BBX: variants seen among roughly 807,000 people sequenced by gnomAD.
The protein encoded by BBX is BBX high mobility group box domain containing, also known as HMG box transcription factor BBX.
BBX carries 30 observed loss-of-function variants against 100.2 expected under a neutral mutation model. The ratio of observed to expected loss-of-function variants is 0.30; its 90% CI spans 0.22 to 0.41. BBX has a LOEUF of 0.41. BBX is among the 10% of genes least tolerant of loss of function. The pLI, the probability that BBX is intolerant of heterozygous loss-of-function variation, is 1.00. For missense variants in BBX, 1,023 were observed against 1,129.8 expected (o/e 0.91, Z 1.35); for synonymous variants, 376 against 388.1 (o/e 0.97, Z 0.37).
At chr3:107,704,159 G>T (rs1024340930) in intron 3 of BBX, among the ~76,000 whole-genome samples, 6 of 152,110 alleles carry the variant, frequency 3.9e-5, no homozygotes, top group African/African-American at 1.4e-4. Flanking sequence ...GAGTGTTTTT[G>T]TGAGGATTAA....
chr3:107,582,566 G>C (rs560761764), intron 2 of BBX, among the ~76,000 whole-genome samples: 2 of 151,878 alleles, frequency 1.3e-5, no homozygotes, highest in African/African-American at 4.8e-5. Context: ...TTTATAGTTT[G>C]CTTGTTCGTT....
rs543143921 is a variant in BBX, at chr3:107,807,743, T to G, written c.*2286T>G. The G allele has an allele frequency of 6.6e-6, 1 of 152,224 alleles. No individual in the cohort carries two copies. Among genetic ancestry groups the G allele is most frequent in the African/African-American group, 2.4e-5 (1 of 41,540 alleles). The allele number at this position is 152,224 out of a possible 1,614,324, so 9.4% of individuals were successfully genotyped here. On this transcript the variant is annotated 3_prime_UTR_variant, in exon 18 of 18. Coordinates refer to ENST00000325805, the MANE Select transcript of BBX (RefSeq NM_001142568.3). ...AAAAAAGCAAAACAAAAGATTACTT[T>G]TTTTCTATGTGATTAATATCTTACT...
intron 2 of BBX, among the ~76,000 whole-genome samples, chr3:107,533,296 TTC>T (rs1407164055): frequency 1.3e-5 from 2 of 152,182 alleles, no homozygotes; most frequent in African/African-American, 4.8e-5. Context: ...TAGAGTGAAA[TTC>T]TCTGATATGC....
chr3:107,784,549 A>G lies in BBX; in HGVS notation c.2204-5238A>G, dbSNP rs189949913. Among the ~76,000 whole-genome samples, 28 of 152,136 alleles carry G rather than the reference A, an allele frequency of 1.8e-4. No individual in the cohort carries two copies. In the East Asian group the frequency reaches 3.9e-3, roughly 21 times the overall value. ...ATATAGAAATTAAATACACTTCTAC[A>G]TAACTGTCACATCAAAAAAGAAATC... On this transcript the variant is annotated intron_variant, in intron 13 of 17. Coordinates refer to ENST00000325805, the MANE Select transcript of BBX (RefSeq NM_001142568.3).
intron 10 of BBX, among the ~76,000 whole-genome samples, chr3:107,766,259 A>T (rs1321499788): frequency 6.6e-6 from 1 of 152,230 alleles, no homozygotes; most frequent in Non-Finnish European, 1.5e-5. Flanking sequence ...GTGATTATGC[A>T]TAAACTCTAA....
At chr3:107,689,541 G>C (rs1337888420) in intron 3 of BBX, among the ~76,000 whole-genome samples, 1 of 152,186 alleles carries the variant, frequency 6.6e-6, no homozygotes, top group Admixed American at 6.5e-5. Context: ...CGACTTCTGA[G>C]AGTACTTTAA....
At chr3:107,609,509 G>C (rs1451068637) in intron 2 of BBX, among the ~76,000 whole-genome samples, 1 of 151,986 alleles carries the variant, frequency 6.6e-6, no homozygotes, top group Non-Finnish European at 1.5e-5. Context: ...CAGGTCCCAG[G>C]CTTTTCTTTG....
At position 107,808,083 on chromosome 3, in the gene BBX, A is replaced by G. The variant is rs568396395; in HGVS notation, c.*2626A>G. The G allele has an allele frequency of 7.2e-5, 11 of 152,254 alleles. No individual in the cohort carries two copies. Among genetic ancestry groups the G allele is most frequent in the Non-Finnish European group, 1.3e-4 (9 of 68,006 alleles). The allele number at this position is 152,254 out of a possible 1,614,324, so 9.4% of individuals were successfully genotyped here. On this transcript the variant is annotated 3_prime_UTR_variant, in exon 18 of 18. Coordinates refer to ENST00000325805, the MANE Select transcript of BBX (RefSeq NM_001142568.3). ...GTTAGCACAAATATTTCAGACCAAT[A>G]TTAGTGCTCTCCACCCCACCTTTTG...
chr3:107,769,858 C>T (rs2066751560), intron 10 of BBX, among the ~76,000 whole-genome samples: 1 of 152,148 alleles, frequency 6.6e-6, no homozygotes. Flanking sequence ...TAGAAAACCT[C>T]TAGAGTGACG....
At chr3:107,739,419 GTCAC>G (rs1261100831) in intron 7 of BBX, among the ~76,000 whole-genome samples, 7 of 152,096 alleles carry the variant, frequency 4.6e-5, no homozygotes, top group Non-Finnish European at 1.0e-4. Flanking sequence ...CCCCCTTTAT[GTCAC>G]TCTTCACTGC....
intron 13 of BBX, among the ~76,000 whole-genome samples, chr3:107,781,208 T>C (rs1559713946): frequency 6.6e-6 from 1 of 152,020 alleles, no homozygotes; most frequent in Non-Finnish European, 1.5e-5. Flanking sequence ...GTCTCCATAT[T>C]CGTATCTGTA....
chr3:107,690,197 A>G (rs2060072569), intron 3 of BBX, among the ~76,000 whole-genome samples: 1 of 152,188 alleles, frequency 6.6e-6, no homozygotes, highest in South Asian at 2.1e-4. Flanking sequence ...CAATGACTTT[A>G]TTATTATATT....
rs1364554169 is a variant in BBX at position 107,808,836 on chromosome 3, T to C, written c.*3379T>C. On this transcript the variant is annotated 3_prime_UTR_variant, in exon 18 of 18. Coordinates refer to ENST00000325805, the MANE Select transcript of BBX (RefSeq NM_001142568.3). ...CTTTTTCCCACAAATATCAGAAATATATTTATTTAATTCTGTCAGATGAGC... is the reference window on the plus strand; with the variant it reads ...CTTTTTCCCACAAATATCAGAAATACATTTATTTAATTCTGTCAGATGAGC... 6.6e-6 allele frequency: 1 copy of C among 152,224 alleles called. No individual in the cohort carries two copies. Among genetic ancestry groups the C allele is most frequent in the East Asian group, 1.9e-4 (1 of 5,206 alleles). The allele number at this position is 152,224 out of a possible 1,614,324, so 9.4% of individuals were successfully genotyped here. A position where few individuals can be genotyped will look rare whatever the true frequency, so the allele number is the denominator to read the frequency against.
intron 2 of BBX, among the ~76,000 whole-genome samples, chr3:107,605,104 C>T (rs149398997): frequency 4.6e-5 from 7 of 152,278 alleles, no homozygotes; most frequent in African/African-American, 1.7e-4. Context: ...ATTCTCCTGA[C>T]CTATTGGCAT....
At chr3:107,667,027 A>G (rs1362654479) in intron 3 of BBX, among the ~76,000 whole-genome samples, 1 of 152,262 alleles carries the variant, frequency 6.6e-6, no homozygotes, top group African/African-American at 2.4e-5. Flanking sequence ...CTAACTGCTT[A>G]CTTGACAAAA....
chr3:107,748,814 T>A (rs1478251313), intron 9 of BBX, among the ~76,000 whole-genome samples: 1 of 152,144 alleles, frequency 6.6e-6, no homozygotes, highest in Non-Finnish European at 1.5e-5. Context: ...AACCAACAAT[T>A]TTTATAGGGT....
At chr3:107,587,780 T>C (rs1040327711) in intron 2 of BBX, among the ~76,000 whole-genome samples, 1 of 152,208 alleles carries the variant, frequency 6.6e-6, no homozygotes, top group African/African-American at 2.4e-5. Context: ...AACAGTCTGG[T>C]TGAGGGAGGT....
At position 107,797,542 on chromosome 3, in the gene BBX, G is replaced by C. The variant is rs75496853; in HGVS notation, c.2354-981G>C. Among the ~76,000 whole-genome samples the C allele has an allele frequency of 5.2e-3, 793 of 151,590 alleles. 6 individuals carry two copies. The highest frequency in any genetic ancestry group is 0.017 in the African/African-American group (697 of 41,310). On this transcript the variant is annotated intron_variant, in intron 15 of 17. Coordinates refer to ENST00000325805, the MANE Select transcript of BBX (RefSeq NM_001142568.3). Reference sequence around the variant, plus strand: ...AATTATGAAAGTGCATCTTTTCCCGGCTTAAAAGCCCTTGGGTCACTGGAA... The same window carrying C: ...AATTATGAAAGTGCATCTTTTCCCGCCTTAAAAGCCCTTGGGTCACTGGAA...
chr3:107,629,914 A>C (rs1450760113), intron 2 of BBX, among the ~76,000 whole-genome samples: 1 of 152,194 alleles, frequency 6.6e-6, no homozygotes, highest in Non-Finnish European at 1.5e-5. Flanking sequence ...TATGTGGCAT[A>C]AACTGGTGAG....
Sources: allele counts gnomAD v4.1 joint callset (sites outside exome capture counted in the v4.1 genomes callset), GRCh38; gene constraint gnomAD v4.1.1; transcripts MANE v1.5; gene names NCBI Gene and HGNC (gene_info 2026-07-23, HGNC 2026-07-21).